Variants in MEGF10 observed in about 807,000 individuals in gnomAD.
The protein encoded by MEGF10 is multiple epidermal growth factor-like domains protein 10.
A neutral mutation model predicts 147.5 loss-of-function variants in MEGF10; 86 were observed. The observed-to-expected ratio is 0.58, with a 90% confidence interval of 0.49 to 0.70. MEGF10 has a LOEUF of 0.70. MEGF10 is among the 30% of genes least tolerant of loss of function. The probability of loss-of-function intolerance (pLI) is 0.00; values close to 1 mark genes in which losing one functional copy is unlikely to be tolerated. For synonymous variants in MEGF10, 478 were observed against 525.5 expected (o/e 0.91, Z 1.24); for missense variants, 1,329 against 1,487.3 (o/e 0.89, Z 1.75).
intron 15 of MEGF10, 89 bp downstream of exon 15, chr5:127,434,910 G>A (rs1765505278): frequency 1.3e-6 from 2 of 1,486,068 alleles, no homozygotes; most frequent in Admixed American, 2.2e-5. Flanking sequence ...CTTCCTGAAG[G>A]CCATGTTTTC....
At chr5:127,265,253 T>G in the MEGF10 span, among the ~76,000 whole-genome samples, 22 of 151,008 alleles carry the variant, frequency 1.5e-4, no homozygotes, top group African/African-American at 5.4e-4. Context: ...GAACTTATCC[T>G]TTTTTTTCTG....
chr5:127,320,689 A>G (rs979939446), intron 1 of MEGF10, among the ~76,000 whole-genome samples: 3 of 152,150 alleles, frequency 2.0e-5, no homozygotes, highest in Admixed American at 2.0e-4. Context: ...TCTTTTACCT[A>G]CTTATACTTC....
At chr5:127,375,909 G>A (rs955729764) in intron 5 of MEGF10, among the ~76,000 whole-genome samples, 4 of 152,254 alleles carry the variant, frequency 2.6e-5, no homozygotes, top group Non-Finnish European at 5.9e-5. Flanking sequence ...TGATTACTGT[G>A]TGCAAGGGAC....
intron 8 of MEGF10, among the ~76,000 whole-genome samples, chr5:127,406,124 A>T (rs1004389024): frequency 6.6e-6 from 1 of 151,654 alleles, no homozygotes; most frequent in Non-Finnish European, 1.5e-5. Flanking sequence ...TGGCAATATA[A>T]TTTTTTTTTG....
At chr5:127,255,376 C>T in the MEGF10 span, among the ~76,000 whole-genome samples, 1 of 152,140 alleles carries the variant, frequency 6.6e-6, no homozygotes, top group South Asian at 2.1e-4. Flanking sequence ...ACTATGCCTA[C>T]ATTTTAGCAA....
intron 1 of MEGF10, among the ~76,000 whole-genome samples, chr5:127,306,479 A>G (rs375382647): frequency 3.0e-4 from 46 of 152,322 alleles, no homozygotes; most frequent in African/African-American, 1.0e-3. Flanking sequence ...GTAAAACTCC[A>G]GGTAGAGCAA....
Position 127,388,345 on chromosome 5 carries a change from C to T in MEGF10, c.413-8187C>T, listed in dbSNP as rs555400403. On this transcript the variant is annotated intron_variant, in intron 5 of 24. Coordinates refer to ENST00000503335, the MANE Select transcript of MEGF10 (RefSeq NM_001256545.2). Reference sequence around the variant, plus strand: ...TGCATCTTTTATAGAGATGGGATTTCGCCATGTTACCCAGGCTGGTCTCTA... The same window carrying T: ...TGCATCTTTTATAGAGATGGGATTTTGCCATGTTACCCAGGCTGGTCTCTA... Among the ~76,000 whole-genome samples, 107 of 151,808 alleles carry T rather than the reference C, an allele frequency of 7.0e-4. 1 individual carries two copies. The highest frequency in any genetic ancestry group is 3.4e-3 in the Middle Eastern group (1 of 292).
the MEGF10 span, among the ~76,000 whole-genome samples, chr5:127,252,247 T>C: frequency 6.6e-6 from 1 of 151,868 alleles, no homozygotes; most frequent in East Asian, 1.9e-4. Context: ...TTTTTTTACT[T>C]AGTTATTCCA....
At chr5:127,413,009 G>C (rs1041195989) in intron 9 of MEGF10, among the ~76,000 whole-genome samples, 1 of 152,140 alleles carries the variant, frequency 6.6e-6, no homozygotes, top group Admixed American at 6.5e-5. Context: ...CACTTTTTAA[G>C]CCTTTGGTTA....
chr5:127,295,651 G>T (rs985900260), intron 1 of MEGF10, among the ~76,000 whole-genome samples: 9 of 152,148 alleles, frequency 5.9e-5, no homozygotes, highest in African/African-American at 1.7e-4. Flanking sequence ...AACATAAAAA[G>T]TTCATTCATT....
intron 8 of MEGF10, among the ~76,000 whole-genome samples, chr5:127,408,591 A>G (rs1273095417): frequency 6.6e-6 from 1 of 152,232 alleles, no homozygotes; most frequent in Non-Finnish European, 1.5e-5. Flanking sequence ...TTTTAGGCAC[A>G]CGTTTTATTT....
intron 1 of MEGF10, among the ~76,000 whole-genome samples, chr5:127,324,150 TTGAAAAAAAGA>T (rs1760906142): frequency 6.6e-6 from 1 of 151,790 alleles, no homozygotes. Context: ...TGTAGCAGCG[TTGAAAAAAAGA>T]GGAAAAAAAG....
chr5:127,271,898 G>A, the MEGF10 span, among the ~76,000 whole-genome samples: 1 of 152,110 alleles, frequency 6.6e-6, no homozygotes, highest in Admixed American at 6.5e-5. Context: ...ACTATTTCGA[G>A]TTTCTTTTCC....
chr5:127,274,210 A>C, the MEGF10 span, among the ~76,000 whole-genome samples: 1 of 152,178 alleles, frequency 6.6e-6, no homozygotes, highest in South Asian at 2.1e-4. Flanking sequence ...AGGTAGGGGC[A>C]GAAGATATTG....
chr5:127,269,579 T>C, the MEGF10 span, among the ~76,000 whole-genome samples: 7 of 152,106 alleles, frequency 4.6e-5, no homozygotes, highest in Admixed American at 2.6e-4. Flanking sequence ...CCAAGAAATA[T>C]AGGACTATGT....
At chr5:127,358,991 C>A (rs1762376053) in intron 4 of MEGF10, among the ~76,000 whole-genome samples, 1 of 151,546 alleles carries the variant, frequency 6.6e-6, no homozygotes, top group African/African-American at 2.4e-5. Context: ...TTATGTGCCC[C>A]ACAGATGGTA....
chr5:127,417,110 C>A (rs1223457714), intron 9 of MEGF10, among the ~76,000 whole-genome samples: 2 of 152,240 alleles, frequency 1.3e-5, no homozygotes, highest in African/African-American at 4.8e-5. Context: ...TGCATCTCAG[C>A]GCAGCTGATA....
chr5:127,239,513 A>G, the MEGF10 span, among the ~76,000 whole-genome samples: 4 of 146,940 alleles, frequency 2.7e-5, no homozygotes, highest in African/African-American at 1.0e-4. Context: ...TTACATGTAT[A>G]TACTTTATAT....
chr5:127,348,626 A>T (rs189227330), intron 4 of MEGF10, among the ~76,000 whole-genome samples: 179 of 152,300 alleles, frequency 1.2e-3, no homozygotes, highest in African/African-American at 2.9e-3. Flanking sequence ...TTTGTTTTTA[A>T]TAATTAGTAT....
Sources: gnomAD v4.1 joint callset for allele counts (sites outside exome capture counted in the v4.1 genomes callset) on GRCh38, gnomAD v4.1.1 for gene constraint, MANE v1.5 for transcripts, NCBI Gene and HGNC (gene_info 2026-07-23, HGNC 2026-07-21) for gene names.